WNK2: variants seen among roughly 807,000 people sequenced by gnomAD.
The protein encoded by WNK2 is serine/threonine-protein kinase WNK2.
A neutral mutation model predicts 192.1 loss-of-function variants in WNK2; 67 were observed. The observed-to-expected ratio is 0.35, with a 90% confidence interval of 0.29 to 0.43. The LOEUF (loss-of-function observed/expected upper bound fraction) is 0.43, where lower values mean the gene tolerates loss of function less well. WNK2 is among the 20% of genes least tolerant of loss of function. The pLI is 1.00. For missense variants in WNK2, 2,698 were observed against 3,089.7 expected (o/e 0.87, Z 3.01); for synonymous variants, 1,439 against 1,393.9 (o/e 1.03, Z -0.72).
intron 2 of WNK2, among the ~76,000 whole-genome samples, chr9:93,192,102 TCA>T (rs1296379998): frequency 6.7e-6 from 1 of 148,490 alleles, no homozygotes; most frequent in African/African-American, 2.5e-5. Context: ...GAACACGAGG[TCA>T]AGAGATTGAG....
In WNK2 at chr9:93,259,960, G is replaced by A. The variant is rs183548338; in HGVS notation, c.3066+346G>A. On this transcript the variant is annotated intron_variant, in intron 12 of 29. Transcript: ENST00000427277. This position sits in a 1 kb window ranked among gnomAD's most constrained non-coding sequence, Gnocchi z 4.8. Reference sequence around the variant, plus strand: ...TTGGTGTGGCTTGCGTTGGGGCACAGGTTGTCTGTCTGAGGTCCACCCTTC... The same window carrying A: ...TTGGTGTGGCTTGCGTTGGGGCACAAGTTGTCTGTCTGAGGTCCACCCTTC... Among the ~76,000 whole-genome samples, 152 of 152,326 alleles carry A rather than the reference G, an allele frequency of 1.0e-3. No individual in the cohort carries two copies. Among genetic ancestry groups the A allele is most frequent in the Non-Finnish European group, 1.6e-3 (107 of 68,018 alleles).
intron 19 of WNK2, among the ~76,000 whole-genome samples, chr9:93,286,620 A>G (rs1055717393): frequency 2.6e-5 from 4 of 152,222 alleles, no homozygotes; most frequent in African/African-American, 9.6e-5. Context: ...TCAAAAAATT[A>G]AAATAGAACT....
Position 93,275,335 on chromosome 9 carries a change from CTG to C in WNK2, c.4033+6592_4033+6593del, listed in dbSNP as rs1239913960. On this transcript the variant is annotated intron_variant, in intron 19 of 29. Coordinates refer to ENST00000427277, the MANE Select transcript of WNK2 (RefSeq NM_006648.4). Reference sequence around the variant, plus strand: ...AGTTTGAGGCTGCAGTGTGCTAAGACTGTGCCTGTGAATGGCCACTGCATTCC... The same window carrying C: ...AGTTTGAGGCTGCAGTGTGCTAAGACTGCCTGTGAATGGCCACTGCATTCC... 3.3e-5 allele frequency among the ~76,000 whole-genome samples: 5 copies of C among 152,116 alleles called. No homozygotes were observed. In the East Asian group the frequency reaches 9.7e-4, roughly 29 times the overall value.
At chr9:93,310,171 G>T (rs966600438) in intron 28 of WNK2, among the ~76,000 whole-genome samples, 1 of 152,138 alleles carries the variant, frequency 6.6e-6, no homozygotes, top group African/African-American at 2.4e-5. Context: ...TGTTCTGAAT[G>T]ACTGCAGGGT....
intron 5 of WNK2, among the ~76,000 whole-genome samples, chr9:93,235,755 C>T (rs906440370): frequency 3.9e-5 from 6 of 152,232 alleles, no homozygotes; most frequent in Non-Finnish European, 8.8e-5. Context: ...TCCCTGCTGT[C>T]TCCACATGCC....
In WNK2 at chr9:93,231,891, A is replaced by C. The variant is rs530798349; in HGVS notation, c.1075+783A>C. On this transcript the variant is annotated intron_variant, in intron 4 of 29. Transcript: ENST00000427277. ...GTGTGCTCCTGGCACAGTGGGTGTG[A>C]AGTGTCCACTGGTCCTGGGTGGGGG... Among the ~76,000 whole-genome samples the C allele has an allele frequency of 1.7e-3, 266 of 152,322 alleles. 1 individual carries two copies. Among genetic ancestry groups the C allele is most frequent in the Admixed American group, 6.2e-3 (95 of 15,306 alleles).
chr9:93,226,622 C>G lies in WNK2; in HGVS notation c.682-3074C>G, dbSNP rs575763867. ...CACCCTCCACCCCAAGATCTCTTGGCTCCCACTTCTACCCACCCCAGAGGT... is the reference window on the plus strand; with the variant it reads ...CACCCTCCACCCCAAGATCTCTTGGGTCCCACTTCTACCCACCCCAGAGGT... On this transcript the variant is annotated intron_variant, in intron 2 of 29. Coordinates refer to ENST00000427277, the MANE Select transcript of WNK2 (RefSeq NM_006648.4). Among the ~76,000 whole-genome samples, 157 of 152,338 alleles carry G rather than the reference C, an allele frequency of 1.0e-3. 1 individual carries two copies. In the Middle Eastern group the frequency reaches 0.017, roughly 17 times the overall value.
intron 2 of WNK2, among the ~76,000 whole-genome samples, chr9:93,190,643 A>G (rs1360710091): frequency 6.6e-6 from 1 of 152,232 alleles, no homozygotes; most frequent in African/African-American, 2.4e-5. Flanking sequence ...CTCCCGCAGC[A>G]CTGGAACCTT....
chr9:93,289,063 G>C lies in WNK2; in HGVS notation c.4309G>C (p.Ala1437Pro). The C allele has an allele frequency of 1.2e-6, 2 of 1,607,158 alleles. No individual in the cohort carries two copies. The highest frequency in any genetic ancestry group is 2.2e-5 in the South Asian group (2 of 89,986). Residue 1437 changes from alanine to proline, a missense_variant, in exon 20 of 30, where the codon GCG (alanine) becomes CCG (proline). Ala to Pro is a conservative substitution (Grantham distance 27, BLOSUM62 -1). Around this residue, in one of 7 missense-constraint regions of WNK2, gnomAD observed 1,098 missense variants for 1,101.0 expected, o/e 1.00. Transcript: ENST00000427277. ...TGAGCTCGAGACGTCTCAGCCACTA[G>C]CGGAGACTCACGAGGCCCCGCTTGC... ...TSELETSQPL[A>P]ETHEAPLAVQ...
chr9:93,245,500 A>T (rs1841532400), intron 7 of WNK2, among the ~76,000 whole-genome samples: 1 of 152,100 alleles, frequency 6.6e-6, no homozygotes, highest in Non-Finnish European at 1.5e-5. Context: ...CTGAGTTTGC[A>T]TGTGTTTCCC....
intron 2 of WNK2, among the ~76,000 whole-genome samples, chr9:93,191,219 G>T (rs1830279910): frequency 6.6e-6 from 1 of 152,160 alleles, no homozygotes; most frequent in Admixed American, 6.5e-5. Flanking sequence ...ACAGCTGGGG[G>T]CTTACTCTGA....
rs753746242 is a variant in WNK2, at chr9:93,262,037, C to A, written c.3290C>A (p.Pro1097Gln). Residue 1097 changes from proline to glutamine, a missense_variant, in exon 13 of 30, where the codon CCG becomes CAG. Physicochemically the swap from Pro to Gln is moderately conservative, Grantham distance 76. Around this residue, in one of 7 missense-constraint regions of WNK2, gnomAD observed 893 missense variants for 909.0 expected, o/e 0.98. Coordinates refer to ENST00000427277, the MANE Select transcript of WNK2 (RefSeq NM_006648.4). Reference sequence around the variant, plus strand: ...ACACTTCTGCCACCAGCAAACCCACCGCTGCCTGGCGGGCCCGGGATCGCC... The same window carrying A: ...ACACTTCTGCCACCAGCAAACCCACAGCTGCCTGGCGGGCCCGGGATCGCC... The part of the protein sequence containing the change: ...TATLLPPANP[P>Q]LPGGPGIASP... 2 of 1,610,554 alleles carry A rather than the reference C, an allele frequency of 1.2e-6. No individual in the cohort carries two copies. Among genetic ancestry groups the A allele is most frequent in the South Asian group, 1.1e-5 (1 of 90,948 alleles).
At chr9:93,287,200 A>G (rs1309275126) in intron 19 of WNK2, among the ~76,000 whole-genome samples, 2 of 152,228 alleles carry the variant, frequency 1.3e-5, no homozygotes, top group East Asian at 3.8e-4. Context: ...AAGAGCCACA[A>G]TAAGACGCCA....
At chr9:93,303,784 C>T (rs1171357337) in intron 26 of WNK2, among the ~76,000 whole-genome samples, 2 of 152,188 alleles carry the variant, frequency 1.3e-5, no homozygotes, top group Non-Finnish European at 2.9e-5. Flanking sequence ...TGGGCAGAGC[C>T]AAGGCAGATC....
chr9:93,208,172 CA>C (rs1833737021), intron 2 of WNK2, among the ~76,000 whole-genome samples: 1 of 152,216 alleles, frequency 6.6e-6, no homozygotes, highest in African/African-American at 2.4e-5. Flanking sequence ...TCCCCAGGTC[CA>C]AATTACTGGC....
chr9:93,206,221 T>A (rs553262108), intron 2 of WNK2, among the ~76,000 whole-genome samples: 4 of 152,198 alleles, frequency 2.6e-5, no homozygotes, highest in African/African-American at 9.7e-5. Flanking sequence ...TCCTAACATG[T>A]AGGGCCCCAT....
chr9:93,218,341 C>G (rs1836150242), intron 2 of WNK2, among the ~76,000 whole-genome samples: 1 of 152,180 alleles, frequency 6.6e-6, no homozygotes, highest in South Asian at 2.1e-4. Context: ...CTTTAGGTGT[C>G]CCTGCGGGAA....
At chr9:93,216,206 G>A (rs1461630565) in intron 2 of WNK2, among the ~76,000 whole-genome samples, 1 of 152,192 alleles carries the variant, frequency 6.6e-6, no homozygotes, top group Admixed American at 6.5e-5. Flanking sequence ...TTAGACTGCT[G>A]AAGTTCTGCC....
intron 19 of WNK2, among the ~76,000 whole-genome samples, chr9:93,287,360 C>T (rs944993): frequency 0.38 from 58,483 of 151,966 alleles, 13,337 homozygotes; most frequent in Admixed American, 0.51. Context: ...CACGGGCCTG[C>T]ACGCACTGTG....
Sources: gnomAD v4.1 joint callset for allele counts (sites outside exome capture counted in the v4.1 genomes callset) on GRCh38, gnomAD v4.1.1 for gene constraint, gnomAD v4.1.1 regional missense constraint, Gnocchi (gnomAD v3.1) non-coding constraint, MANE v1.5 for transcripts, NCBI Gene and HGNC (gene_info 2026-07-23, HGNC 2026-07-21) for gene names.